NRXN1: variants seen among roughly 807,000 people sequenced by gnomAD.
The protein encoded by NRXN1 is neurexin 1, also known as neurexin-1.
A neutral mutation model predicts 150.9 loss-of-function variants in NRXN1; 39 were observed. The ratio of observed to expected loss-of-function variants is 0.26; its 90% CI spans 0.20 to 0.34. NRXN1 has a LOEUF of 0.34. NRXN1 is among the 10% of genes least tolerant of loss of function. The pLI is 1.00. For synonymous variants in NRXN1, 924 were observed against 757.0 expected, an observed-to-expected ratio of 1.22 and a Z score of -3.62; for missense variants, 1,815 against 1,949.9, an observed-to-expected ratio of 0.93 and a Z score of 1.30.
chr2:50,591,348 C>G (rs910143971), intron 8 of NRXN1, among the ~76,000 whole-genome samples: 1 of 151,104 alleles, frequency 6.6e-6, no homozygotes, highest in African/African-American at 2.4e-5. Context: ...ATAATTAGGA[C>G]AGTCAAGGAA....
intron 18 of NRXN1, among the ~76,000 whole-genome samples, chr2:50,199,537 TACACACACAC>T (rs67959182): frequency 0.42 from 62,695 of 149,336 alleles, 13,769 homozygotes; most frequent in Middle Eastern, 0.51. Context: ...CTCTTTCTTA[TACACACACAC>T]ACACACACAC....
intron 10 of NRXN1, among the ~76,000 whole-genome samples, chr2:50,533,948 T>G: frequency 6.6e-6 from 1 of 152,164 alleles, no homozygotes; most frequent in East Asian, 1.9e-4. Context: ...ATTTCTTGTT[T>G]GTAGAGTATT....
At chr2:50,098,523 C>A (rs1442854391) in intron 18 of NRXN1, among the ~76,000 whole-genome samples, 1 of 152,074 alleles carries the variant, frequency 6.6e-6, no homozygotes, top group Non-Finnish European at 1.5e-5. Flanking sequence ...CCTTTCAGGC[C>A]CCACATACCA....
chr2:50,983,265 T>C (rs1231723378), intron 2 of NRXN1, among the ~76,000 whole-genome samples: 1 of 152,106 alleles, frequency 6.6e-6, no homozygotes, highest in African/African-American at 2.4e-5. Context: ...AAGATACTCT[T>C]TGCATTTAGG....
intron 19 of NRXN1, among the ~76,000 whole-genome samples, chr2:50,057,910 T>G (rs1261333159): frequency 6.6e-6 from 1 of 152,180 alleles, no homozygotes; most frequent in Non-Finnish European, 1.5e-5. Context: ...CATTATTTGT[T>G]TAATAATAAA....
intron 21 of NRXN1, among the ~76,000 whole-genome samples, chr2:49,975,508 C>T (rs1464934903): frequency 1.3e-5 from 2 of 152,062 alleles, no homozygotes; most frequent in Admixed American, 6.6e-5. Flanking sequence ...TAAACACATT[C>T]CTGAAAGATT....
intron 18 of NRXN1, among the ~76,000 whole-genome samples, chr2:50,187,050 A>G (rs1361346919): frequency 3.3e-5 from 5 of 152,072 alleles, no homozygotes; most frequent in South Asian, 4.1e-4. Flanking sequence ...CACTAAAACA[A>G]CATAAAATCA....
At chr2:50,412,708 T>C (rs996544259) in intron 17 of NRXN1, among the ~76,000 whole-genome samples, 1 of 152,188 alleles carries the variant, frequency 6.6e-6, no homozygotes, top group Non-Finnish European at 1.5e-5. Context: ...TAAAAGAACA[T>C]AGTCTGATTT....
intron 8 of NRXN1, among the ~76,000 whole-genome samples, chr2:50,562,988 C>T (rs901259803): frequency 5.9e-5 from 9 of 151,968 alleles, no homozygotes; most frequent in Non-Finnish European, 1.0e-4. Context: ...CATGTAATTT[C>T]GCACGTTTTT....
At chr2:50,547,138 C>G (rs893394504) in intron 9 of NRXN1, among the ~76,000 whole-genome samples, 1 of 152,120 alleles carries the variant, frequency 6.6e-6, no homozygotes, top group Non-Finnish European at 1.5e-5. Flanking sequence ...AACTGGAACT[C>G]TACGACTTCA....
Position 50,397,266 on chromosome 2 carries a change from G to A in NRXN1, c.3364+68176C>T, listed in dbSNP as rs1024860985. On this transcript the variant is annotated intron_variant, in intron 17 of 22. Coordinates refer to ENST00000401669, the MANE Select transcript of NRXN1 (RefSeq NM_001330078.2). Reference sequence around the variant, plus strand: ...AGCTATTAGAGTGGCGATCAGTGACGCTGCTGCTCTACCCAGTCTGTCTTG... The same window carrying A: ...AGCTATTAGAGTGGCGATCAGTGACACTGCTGCTCTACCCAGTCTGTCTTG... Among the ~76,000 whole-genome samples, 11 of 152,196 alleles carry A rather than the reference G, an allele frequency of 7.2e-5. No homozygotes were observed. In the South Asian group the frequency reaches 1.2e-3, roughly 17 times the overall value.
chr2:50,324,028 T>A (rs149691326), intron 17 of NRXN1, among the ~76,000 whole-genome samples: 10 of 152,312 alleles, frequency 6.6e-5, no homozygotes, highest in Non-Finnish European at 1.0e-4. Flanking sequence ...CATATAAAGC[T>A]GGCCCGAGGA....
At chr2:50,560,204 A>G (rs1668845457) in intron 8 of NRXN1, among the ~76,000 whole-genome samples, 1 of 152,176 alleles carries the variant, frequency 6.6e-6, no homozygotes, top group Non-Finnish European at 1.5e-5. Flanking sequence ...AAAAATGTCA[A>G]ACACTGTTGA....
intron 8 of NRXN1, among the ~76,000 whole-genome samples, chr2:50,598,328 C>A (rs967543069): frequency 5.3e-5 from 8 of 152,016 alleles, no homozygotes; most frequent in African/African-American, 1.9e-4. Flanking sequence ...TAGTTTGCAT[C>A]TTTGTTCAGT....
intron 5 of NRXN1, among the ~76,000 whole-genome samples, chr2:50,748,156 T>C (rs1700211354): frequency 6.6e-6 from 1 of 152,136 alleles, no homozygotes; most frequent in Admixed American, 6.6e-5. Flanking sequence ...AGGTCACACC[T>C]CTAGTAATAA....
intron 2 of NRXN1, among the ~76,000 whole-genome samples, chr2:50,965,685 A>AACTC (rs1351871588): frequency 7.9e-5 from 12 of 151,464 alleles, no homozygotes; most frequent in Non-Finnish European, 1.3e-4. Flanking sequence ...GGCTAGGTAA[A>AACTC]ACTCACGGTT....
intron 5 of NRXN1, among the ~76,000 whole-genome samples, chr2:50,780,950 A>G (rs1004941308): frequency 6.6e-6 from 1 of 152,184 alleles, no homozygotes; most frequent in Non-Finnish European, 1.5e-5. Context: ...ACTTAGTGCC[A>G]TAGACTATAA....
At chr2:50,158,769 G>C (rs1341884868) in intron 18 of NRXN1, among the ~76,000 whole-genome samples, 1 of 152,026 alleles carries the variant, frequency 6.6e-6, no homozygotes, top group Non-Finnish European at 1.5e-5. Context: ...GTCTCCTTTA[G>C]AAAGAAAAAG....
At chr2:50,324,519 G>C (rs2076259626) in intron 17 of NRXN1, among the ~76,000 whole-genome samples, 1 of 152,184 alleles carries the variant, frequency 6.6e-6, no homozygotes, top group African/African-American at 2.4e-5. Context: ...TGTAAAGTGT[G>C]TAAGTCTTTT....
Sources: gnomAD v4.1 joint callset for allele counts (sites outside exome capture counted in the v4.1 genomes callset) on GRCh38, gnomAD v4.1.1 for gene constraint, MANE v1.5 for transcripts, NCBI Gene and HGNC (gene_info 2026-07-23, HGNC 2026-07-21) for gene names.